Variants in ALPK2 observed in about 807,000 individuals in gnomAD.
ALPK2 encodes the protein alpha kinase 2, also known as alpha-protein kinase 2.
ALPK2 carries 127 observed loss-of-function variants against 163.1 expected under a neutral mutation model. The ratio of observed to expected loss-of-function variants is 0.78; its 90% confidence interval spans 0.67 to 0.90. The LOEUF is 0.90. Among genes scored for constraint, ALPK2 ranks in the 40% least tolerant of loss-of-function variants. The pLI is 0.00. For missense variants in ALPK2, 2,360 were observed against 2,589.6 expected, an observed-to-expected ratio of 0.91 and a Z score of 1.92; for synonymous variants, 953 against 959.1, an observed-to-expected ratio of 0.99 and a Z score of 0.12.
At chr18:58,627,655 C>T (rs908171656) in intron 1 of ALPK2, among the ~76,000 whole-genome samples, 1 of 151,852 alleles carries the variant, frequency 6.6e-6, no homozygotes, top group Admixed American at 6.6e-5. Flanking sequence ...CAAAACAAAA[C>T]AAAAAAAGGA....
At chr18:58,582,953 G>A (rs147152573) in intron 3 of ALPK2, among the ~76,000 whole-genome samples, 2 of 152,238 alleles carry the variant, frequency 1.3e-5, no homozygotes, top group African/African-American at 2.4e-5. Context: ...CTTGTATGTA[G>A]AGGCAGCCCC....
intron 12 of ALPK2, among the ~76,000 whole-genome samples, chr18:58,483,788 C>A (rs2051324274): frequency 6.6e-6 from 1 of 150,554 alleles, no homozygotes; most frequent in African/African-American, 2.5e-5. Context: ...TGGTCTCAAA[C>A]TCCTGACCTC....
intron 4 of ALPK2, among the ~76,000 whole-genome samples, chr18:58,563,873 G>A (rs2051837245): frequency 6.6e-6 from 1 of 152,024 alleles, no homozygotes; most frequent in Admixed American, 6.6e-5. Flanking sequence ...TAATTACAGG[G>A]CCAAAATTTA....
Position 58,483,529 on chromosome 18 carries a change from C to CTCTA in ALPK2, c.6297-1491_6297-1490insTAGA, listed in dbSNP as rs1555659480. On this transcript the variant is annotated intron_variant, in intron 12 of 12. Coordinates refer to ENST00000361673, the MANE Select transcript of ALPK2 (RefSeq NM_052947.4). The stretch of plus-strand genomic sequence containing the variant: ...CCTTTTTCTAGATAAGTCCTACTCA[C>CTCTA]TTTATTTATTTATTTATTTATTTAT... Among the ~76,000 whole-genome samples the CTCTA allele has an allele frequency of 3.5e-5, 5 of 142,850 alleles. No homozygotes were observed. The South Asian group carries it at 7.1e-4, about 20-fold the overall frequency. The allele number at this position is 142,850 out of a possible 152,430, so 93.7% of individuals were successfully genotyped here.
chr18:58,610,693 G>T (rs559431446), intron 2 of ALPK2, among the ~76,000 whole-genome samples: 1 of 152,198 alleles, frequency 6.6e-6, no homozygotes, highest in Non-Finnish European at 1.5e-5. Flanking sequence ...TGTAATTCCA[G>T]CACTTTGGGA....
chr18:58,524,083 A>G (rs1254960092), intron 6 of ALPK2, 21 bp from the exon 7 acceptor site: 11 of 1,598,962 alleles, frequency 6.9e-6, no homozygotes, highest in Non-Finnish European at 9.4e-6. Context: ...GAATATTCAC[A>G]TTGACACACT....
chr18:58,534,542 C>A (rs1056941393), intron 5 of ALPK2, among the ~76,000 whole-genome samples: 10 of 152,168 alleles, frequency 6.6e-5, no homozygotes, highest in Non-Finnish European at 1.3e-4. Flanking sequence ...ACAGACATGC[C>A]TACAGGCGGC....
chr18:58,613,458 G>A (rs2052145694), intron 1 of ALPK2, among the ~76,000 whole-genome samples: 1 of 152,142 alleles, frequency 6.6e-6, no homozygotes, highest in South Asian at 2.1e-4. Context: ...ACTTTGGGAG[G>A]CTGAGGCGGG....
Position 58,535,748 on chromosome 18 carries a change from TCAGC to T in ALPK2, c.4435_4438del (p.Ala1479AsnfsTer31). 1 of 1,614,230 alleles carries T rather than the reference TCAGC, an allele frequency of 6.2e-7. No homozygotes were observed. Among genetic ancestry groups the T allele is most frequent in the Non-Finnish European group, 8.5e-7 (1 of 1,180,030 alleles). On this transcript the variant is annotated frameshift_variant, in exon 5 of 13. Transcript: ENST00000361673. ...TTTTGCCTCCTCAGGTTGAATTTGT[TCAGC>T]CTCCTGCTTCATACTGCCTTCTTGG...
intron 10 of ALPK2, among the ~76,000 whole-genome samples, chr18:58,511,386 GCT>G (rs985465543): frequency 7.9e-4 from 121 of 152,280 alleles, no homozygotes; most frequent in African/African-American, 2.8e-3. Context: ...TGATAAATCA[GCT>G]CTGTCTGTAC....
At chr18:58,571,838 T>TACA (rs1187677794) in intron 4 of ALPK2, among the ~76,000 whole-genome samples, 1 of 151,918 alleles carries the variant, frequency 6.6e-6, no homozygotes, top group Non-Finnish European at 1.5e-5. Flanking sequence ...TAGCCAGGTG[T>TACA]GGTGGCAGGC....
rs192756414 is a variant in ALPK2, at chr18:58,552,391, C to T, written c.1963-14167G>A. ...AGATGAATCAGACCTAGTGTCTGTC[C>T]CAACCCAGCTCACAGAATAACACCC... On this transcript the variant is annotated intron_variant, in intron 4 of 12. Coordinates refer to ENST00000361673, the MANE Select transcript of ALPK2 (RefSeq NM_052947.4). 1.9e-4 allele frequency among the ~76,000 whole-genome samples: 29 copies of T among 152,196 alleles called. No individual in the cohort carries two copies. The East Asian group carries it at 3.9e-3, about 20-fold the overall frequency.
intron 1 of ALPK2, among the ~76,000 whole-genome samples, chr18:58,617,352 A>T (rs2052175428): frequency 6.6e-6 from 1 of 151,844 alleles, no homozygotes; most frequent in Non-Finnish European, 1.5e-5. Flanking sequence ...ACGCCAGGCT[A>T]ATTTTTGTAT....
chr18:58,486,320 C>T (rs1053459623), intron 12 of ALPK2, among the ~76,000 whole-genome samples: 4 of 152,198 alleles, frequency 2.6e-5, no homozygotes, highest in Non-Finnish European at 4.4e-5. Context: ...TAGCTACCTT[C>T]GAGCCCCAGC....
At chr18:58,591,665 G>A (rs2052015566) in intron 3 of ALPK2, among the ~76,000 whole-genome samples, 1 of 152,190 alleles carries the variant, frequency 6.6e-6, no homozygotes. Flanking sequence ...ATCATTCTAG[G>A]CAGAAGGAAT....
chr18:58,594,259 A>G (rs2052030534), intron 3 of ALPK2, among the ~76,000 whole-genome samples: 1 of 152,168 alleles, frequency 6.6e-6, no homozygotes, highest in African/African-American at 2.4e-5. Flanking sequence ...GATTCTTTGA[A>G]CAAGAAGTGG....
At chr18:58,553,701 C>T (rs1437004188) in intron 4 of ALPK2, among the ~76,000 whole-genome samples, 4 of 152,108 alleles carry the variant, frequency 2.6e-5, no homozygotes, top group Non-Finnish European at 4.4e-5. Flanking sequence ...CTTCCTGCTG[C>T]CTTGTGAAGA....
intron 4 of ALPK2, chr18:58,543,287 TA>T: frequency 1.1e-6 from 1 of 876,746 alleles, no homozygotes; most frequent in Non-Finnish European, 1.4e-6. Context: ...CTTTTCTTTA[TA>T]AATTTCCCAG....
Position 58,538,129 on chromosome 18 carries a change from G to T in ALPK2, c.2058C>A (p.Thr686=), listed in dbSNP as rs1568079279. ...PAGEESPFTG[T]TTISFSNLGG... is the part of the protein sequence containing the mutation. ...CTAAGTTTGAGAAGGAAATTGTTGT[G>T]GTCCCAGTGAATGGGGACTCCTCCC... Residue 686 remains threonine, a synonymous_variant, in exon 5 of 13, where the codon ACC becomes ACA. Coordinates refer to ENST00000361673, the MANE Select transcript of ALPK2 (RefSeq NM_052947.4). The T allele has an allele frequency of 3.7e-6, 6 of 1,614,060 alleles. No individual in the cohort carries two copies. The highest frequency in any genetic ancestry group is 5.1e-6 in the Non-Finnish European group (6 of 1,180,026).
Sources: allele counts gnomAD v4.1 joint callset (sites outside exome capture counted in the v4.1 genomes callset), GRCh38; gene constraint gnomAD v4.1.1; transcripts MANE v1.5; gene names NCBI Gene and HGNC (gene_info 2026-07-23, HGNC 2026-07-21).